NXPE4: variants seen among roughly 807,000 people sequenced by gnomAD.
The protein encoded by NXPE4 is neurexophilin and PC-esterase domain family member 4, also known as NXPE family member 4.
Under a neutral mutation model 33.3 loss-of-function variants are expected in NXPE4, and 42 were observed. That is an observed-to-expected ratio of 1.26 (90% CI 0.98 to 1.63). The LOEUF is 1.63. NXPE4 is among the 40% of genes most tolerant of loss of function. The pLI, the probability that NXPE4 is intolerant of heterozygous loss-of-function variation, is 0.00. For synonymous variants in NXPE4, 253 were observed against 234.9 expected (o/e 1.08, Z -0.71); for missense variants, 709 against 647.6 (o/e 1.09, Z -1.03).
Position 114,577,110 on chromosome 11 carries a change from TAC to T in NXPE4, c.1099+3020_1099+3021del, listed in dbSNP as rs200431103. Among the ~76,000 whole-genome samples the T allele has an allele frequency of 3.5e-4, 49 of 141,874 alleles. No homozygotes were observed. The South Asian group carries it at 4.2e-3, about 12-fold the overall frequency. 93.1% of individuals were successfully genotyped at this position (141,874 alleles called of 152,430 possible). A position where few individuals can be genotyped will look rare whatever the true frequency, so the allele number is the denominator to read the frequency against. On this transcript the variant is annotated intron_variant, in intron 5 of 5. Coordinates refer to ENST00000375478, the MANE Select transcript of NXPE4 (RefSeq NM_001077639.2). Reference sequence around the variant, plus strand: ...ACATATATATATAAAGTTATATATATACACATATATATAAAGTTATATATATA... The same window carrying T: ...ACATATATATATAAAGTTATATATATACATATATATAAAGTTATATATATA...
chr11:114,613,252 T>C, the NXPE4 span, among the ~76,000 whole-genome samples: 1 of 151,958 alleles, frequency 6.6e-6, no homozygotes, highest in African/African-American at 2.4e-5. Context: ...ACCCGGTGGA[T>C]AATAAGCATT....
chr11:114,601,746 A>AT, the NXPE4 span, among the ~76,000 whole-genome samples: 239 of 71,200 alleles, frequency 3.4e-3, 9 homozygotes, highest in African/African-American at 0.013. Context: ...TATAATTATA[A>AT]TATATAATAT....
the NXPE4 span, among the ~76,000 whole-genome samples, chr11:114,601,828 A>G: frequency 2.7e-5 from 2 of 74,478 alleles, no homozygotes; most frequent in East Asian, 8.6e-4. Context: ...TATATAATAT[A>G]TAATTATATA....
the NXPE4 span, among the ~76,000 whole-genome samples, chr11:114,652,200 G>A: frequency 3.3e-5 from 5 of 152,308 alleles, no homozygotes; most frequent in Admixed American, 3.3e-4. Context: ...ACTGAGAGGG[G>A]CTCTGAGACC....
the NXPE4 span, among the ~76,000 whole-genome samples, chr11:114,608,631 A>G: frequency 2.6e-5 from 4 of 151,716 alleles, no homozygotes; most frequent in Non-Finnish European, 5.9e-5. Context: ...GGTGGATAAT[A>G]CTTGTTGCCT....
At chr11:114,643,411 T>C in the NXPE4 span, among the ~76,000 whole-genome samples, 4 of 152,258 alleles carry the variant, frequency 2.6e-5, no homozygotes, top group African/African-American at 9.6e-5. Context: ...AAGTCTTTAA[T>C]TCATCTTGAG....
At chr11:114,583,815 A>G in intron 2 of NXPE4, 1 of 428,908 alleles carries the variant, frequency 2.3e-6, no homozygotes, top group Non-Finnish European at 4.5e-6. Context: ...GAGGCCTTCT[A>G]TATTACAGGC....
the NXPE4 span, among the ~76,000 whole-genome samples, chr11:114,639,251 G>C: frequency 0.18 from 27,447 of 151,942 alleles, 2,866 homozygotes; most frequent in African/African-American, 0.28. Context: ...GAGACTCTGT[G>C]GGCATAGGAC....
the NXPE4 span, among the ~76,000 whole-genome samples, chr11:114,648,465 CT>C: frequency 1.1e-4 from 17 of 152,258 alleles, no homozygotes; most frequent in African/African-American, 4.1e-4. Flanking sequence ...TTGGATGAGG[CT>C]CACCTACATT....
chr11:114,673,387 A>T, the NXPE4 span, among the ~76,000 whole-genome samples: 21 of 151,722 alleles, frequency 1.4e-4, no homozygotes, highest in South Asian at 4.4e-3. Context: ...GAAAGATCTC[A>T]AATCAATAAC....
chr11:114,588,728 C>A (rs945485141), intron 2 of NXPE4, among the ~76,000 whole-genome samples: 4 of 152,138 alleles, frequency 2.6e-5, no homozygotes, highest in Non-Finnish European at 5.9e-5. Flanking sequence ...CTTAACTACT[C>A]TAAACTGTCC....
At chr11:114,609,956 T>A in the NXPE4 span, among the ~76,000 whole-genome samples, 1 of 151,834 alleles carries the variant, frequency 6.6e-6, no homozygotes, top group East Asian at 1.9e-4. Context: ...GTAACCACTG[T>A]TACACGGTGG....
At chr11:114,585,305 T>A (rs1949265878) in intron 2 of NXPE4, among the ~76,000 whole-genome samples, 1 of 151,998 alleles carries the variant, frequency 6.6e-6, no homozygotes, top group African/African-American at 2.4e-5. Flanking sequence ...ATGGTATATT[T>A]CATTACTCCC....
At chr11:114,608,368 A>G in the NXPE4 span, among the ~76,000 whole-genome samples, 1 of 149,690 alleles carries the variant, frequency 6.7e-6, no homozygotes, top group African/African-American at 2.5e-5. Flanking sequence ...AACTCTTACC[A>G]TGTGGATAAT....
chr11:114,572,337 A>C (rs1188561276), intron 5 of NXPE4, among the ~76,000 whole-genome samples: 2 of 152,146 alleles, frequency 1.3e-5, no homozygotes, highest in Non-Finnish European at 2.9e-5. Context: ...AGACCATACC[A>C]GTTCACCACC....
the NXPE4 span, among the ~76,000 whole-genome samples, chr11:114,638,362 C>A: frequency 2.0e-5 from 3 of 151,904 alleles, no homozygotes; most frequent in African/African-American, 7.2e-5. Context: ...GTTATCCATT[C>A]GTCTAAATTT....
chr11:114,575,884 C>G (rs562817180), intron 5 of NXPE4, among the ~76,000 whole-genome samples: 1 of 152,178 alleles, frequency 6.6e-6, no homozygotes. Flanking sequence ...AAAGAGCCCA[C>G]ATAGACAAAG....
the NXPE4 span, among the ~76,000 whole-genome samples, chr11:114,602,990 A>G: frequency 0.017 from 2,503 of 150,982 alleles, 77 homozygotes; most frequent in African/African-American, 0.055. Flanking sequence ...TATCTCATAT[A>G]TAATTACAGA....
At chr11:114,605,528 G>A in the NXPE4 span, among the ~76,000 whole-genome samples, 6 of 151,420 alleles carry the variant, frequency 4.0e-5, no homozygotes, top group Non-Finnish European at 8.8e-5. Context: ...ACAGTTACCC[G>A]GTGGATAATG....
Sources: allele counts gnomAD v4.1 joint callset (sites outside exome capture counted in the v4.1 genomes callset), GRCh38; gene constraint gnomAD v4.1.1; transcripts MANE v1.5; gene names NCBI Gene and HGNC (gene_info 2026-07-23, HGNC 2026-07-21).